The following VAV3 variants were observed in gnomAD, a reference collection of about 807,000 sequenced individuals.
VAV3 encodes guanine nucleotide exchange factor VAV3.
In VAV3, 94 loss-of-function variants were observed where a neutral mutation model predicts 131.2. The ratio of observed to expected loss-of-function variants is 0.72; its 90% CI spans 0.61 to 0.85. The LOEUF is 0.85. VAV3 is among the 40% of genes least tolerant of loss of function. The pLI, the probability that VAV3 is intolerant of heterozygous loss-of-function variation, is 0.00. For missense variants in VAV3, 939 were observed against 1,002.7 expected (o/e 0.94, Z 0.86); for synonymous variants, 349 against 342.0 (o/e 1.02, Z -0.22).
At chr1:107,712,018 G>A (rs1660818106) in intron 15 of VAV3, among the ~76,000 whole-genome samples, 1 of 152,108 alleles carries the variant, frequency 6.6e-6, no homozygotes, top group Admixed American at 6.5e-5. Context: ...CGCATAGCAA[G>A]CTCCTAAATA....
chr1:107,830,463 G>C (rs1460786988), intron 2 of VAV3, among the ~76,000 whole-genome samples: 3 of 152,034 alleles, frequency 2.0e-5, no homozygotes, highest in Non-Finnish European at 2.9e-5. Context: ...CCAGGTGGGG[G>C]AGAACAATTG....
intron 15 of VAV3, among the ~76,000 whole-genome samples, chr1:107,737,717 C>G (rs372830123): frequency 0.029 from 4,407 of 152,086 alleles, 204 homozygotes; most frequent in African/African-American, 0.095. Context: ...AGGTGCTGGA[C>G]AGGATGTGGA....
rs1664856972 is a variant in VAV3 at position 107,768,478 on chromosome 1, G to T, written c.680C>A (p.Thr227Lys). 2 of 1,612,670 alleles carry T rather than the reference G, an allele frequency of 1.2e-6. No homozygotes were observed. The highest frequency in any genetic ancestry group is 1.7e-6 in the Non-Finnish European group (2 of 1,179,344). ...YFMAPLKRFL[T>K]AAEFDSVFIN... is the part of the protein sequence containing the mutation. Reference sequence around the variant, plus strand: ...GAATACTGAATCAAATTCTGCTGCTGTCAGAAATCTTTTTAGTGGTGCCAT... The same window carrying T: ...GAATACTGAATCAAATTCTGCTGCTTTCAGAAATCTTTTTAGTGGTGCCAT... The change falls in exon 7 of 27, where the codon ACA becomes AAA. Residue 227 changes from threonine to lysine, a missense_variant. Transcript: ENST00000370056.
intron 2 of VAV3, among the ~76,000 whole-genome samples, chr1:107,850,579 G>A (rs945332148): frequency 1.3e-5 from 2 of 151,928 alleles, no homozygotes; most frequent in Admixed American, 1.3e-4. Flanking sequence ...CGAGGGGTGG[G>A]GGGCAAGGGG....
intron 2 of VAV3, among the ~76,000 whole-genome samples, chr1:107,796,329 C>A (rs144786381): frequency 2.2e-4 from 34 of 152,240 alleles, no homozygotes; most frequent in African/African-American, 7.7e-4. Context: ...AACCAAGCTG[C>A]CCGGCTTCCA....
chr1:107,937,054 A>G (rs1418351943), intron 1 of VAV3, among the ~76,000 whole-genome samples: 1 of 152,188 alleles, frequency 6.6e-6, no homozygotes, highest in Non-Finnish European at 1.5e-5. Context: ...AAGGATGCCT[A>G]GCAAGAGTGA....
At chr1:107,962,819 T>C (rs1255993432) in intron 1 of VAV3, among the ~76,000 whole-genome samples, 1 of 152,232 alleles carries the variant, frequency 6.6e-6, no homozygotes, top group Non-Finnish European at 1.5e-5. Context: ...AAGAAGGTCA[T>C]TAGCTGTCCT....
chr1:107,888,340 C>T (rs147133127), intron 1 of VAV3, among the ~76,000 whole-genome samples: 132 of 152,292 alleles, frequency 8.7e-4, no homozygotes, highest in South Asian at 6.6e-3. Context: ...CAGCAAAACA[C>T]GTAGCGCTAG....
At chr1:107,704,796 A>T in intron 16 of VAV3, 146 bp from the exon 17 acceptor site, 1 of 991,020 alleles carries the variant, frequency 1.0e-6, no homozygotes, top group African/African-American at 1.6e-5. Context: ...AGAGCTTCTG[A>T]AAGGACTGTC....
chr1:107,828,229 G>C (rs951835910), intron 2 of VAV3, among the ~76,000 whole-genome samples: 8 of 152,144 alleles, frequency 5.3e-5, no homozygotes, highest in South Asian at 2.1e-4. Flanking sequence ...GTTAAATATC[G>C]AGGAAGAAGA....
At chr1:107,637,660 A>C (rs1445487025) in intron 20 of VAV3, among the ~76,000 whole-genome samples, 1 of 152,036 alleles carries the variant, frequency 6.6e-6, no homozygotes, top group Non-Finnish European at 1.5e-5. Context: ...ACAAAACAAA[A>C]CCTTCCACTA....
In VAV3 at chr1:107,772,841, T is replaced by C. The variant is rs759747755; in HGVS notation, c.449A>G (p.Glu150Gly). The C allele has an allele frequency of 6.2e-7, 1 of 1,612,590 alleles. No individual in the cohort carries two copies. The highest frequency in any genetic ancestry group is 8.5e-7 in the Non-Finnish European group (1 of 1,179,156). The change falls in exon 5 of 27, where the codon GAA (glutamate) becomes GGA (glycine). Residue 150 changes from glutamate to glycine, a missense_variant and splice_region_variant. Glu to Gly is a moderately conservative substitution (Grantham distance 98). Transcript: ENST00000370056. ...IYKGLPDLID[E>G]TLVEDEEDLY... The stretch of plus-strand genomic sequence containing the variant: ...ATCTTCTTCATCTTCCACAAGGGTT[T>C]CACTACAACAAAGGATATCATATAA...
chr1:107,894,165 A>C (rs1316305320), intron 1 of VAV3, among the ~76,000 whole-genome samples: 1 of 152,242 alleles, frequency 6.6e-6, no homozygotes, highest in African/African-American at 2.4e-5. Context: ...TTACTCGGGC[A>C]AGAATTTTCA....
rs568768224 is a variant in VAV3, at chr1:107,668,630, C to A, written c.1777+14858G>T. Reference sequence around the variant, plus strand: ...TGTGTAGAATAAGAGATTAGCAAACCATCAACTTTTTCCTCATTGTAGTGA... The same window carrying A: ...TGTGTAGAATAAGAGATTAGCAAACAATCAACTTTTTCCTCATTGTAGTGA... On this transcript the variant is annotated intron_variant, in intron 19 of 26. Transcript: ENST00000370056. The A allele has an allele frequency of 4.6e-5, 45 of 985,224 alleles. No individual in the cohort carries two copies. In the African/African-American group the frequency reaches 7.5e-4, roughly 16 times the overall value. 61.0% of individuals were successfully genotyped at this position (985,224 alleles called of 1,614,324 possible). A position where few individuals can be genotyped will look rare whatever the true frequency, so the allele number is the denominator to read the frequency against.
intron 8 of VAV3, 130 bp downstream of exon 8, chr1:107,766,317 C>T (rs1177141510): frequency 6.5e-6 from 4 of 611,812 alleles, no homozygotes; most frequent in Non-Finnish European, 1.1e-5. Context: ...AAGTAATTGT[C>T]CCACGTTCTA....
chr1:107,906,056 A>T (rs1210100794), intron 1 of VAV3, among the ~76,000 whole-genome samples: 1 of 152,150 alleles, frequency 6.6e-6, no homozygotes, highest in Non-Finnish European at 1.5e-5. Context: ...AAATCTCCTA[A>T]ATTTAAAGTT....
chr1:107,637,757 A>G (rs1655043373), intron 20 of VAV3, among the ~76,000 whole-genome samples: 1 of 152,242 alleles, frequency 6.6e-6, no homozygotes, highest in South Asian at 2.1e-4. Context: ...AATCTCTTTT[A>G]GAAAGTTGAA....
intron 20 of VAV3, among the ~76,000 whole-genome samples, chr1:107,630,014 A>C (rs907684656): frequency 1.3e-5 from 2 of 152,166 alleles, no homozygotes; most frequent in African/African-American, 4.8e-5. Context: ...AAGCCAAAGC[A>C]CCTAACTAGT....
At chr1:107,600,155 T>C (rs1235190879) in intron 24 of VAV3, among the ~76,000 whole-genome samples, 1 of 152,150 alleles carries the variant, frequency 6.6e-6, no homozygotes, top group African/African-American at 2.4e-5. Context: ...TTAGAATGGT[T>C]AAGTCCTTTT....
Sources: allele counts gnomAD v4.1 joint callset (sites outside exome capture counted in the v4.1 genomes callset), GRCh38; gene constraint gnomAD v4.1.1; transcripts MANE v1.5; gene names NCBI Gene and HGNC (gene_info 2026-07-23, HGNC 2026-07-21).